FSIP1: variants seen among roughly 807,000 people sequenced by gnomAD.
FSIP1 encodes fibrous sheath interacting protein 1, also known as fibrous sheath-interacting protein 1.
A neutral mutation model predicts 60.9 loss-of-function variants in FSIP1; 65 were observed. That is an observed-to-expected ratio of 1.07 (90% confidence interval 0.87 to 1.31). The LOEUF (loss-of-function observed/expected upper bound fraction) is 1.31, where lower values mean the gene tolerates loss of function less well. Among genes scored for constraint, FSIP1 ranks in the 40% most tolerant of loss-of-function variants. The probability of loss-of-function intolerance (pLI) is 0.00; values close to 1 mark genes in which losing one functional copy is unlikely to be tolerated. For missense variants in FSIP1, 675 were observed against 665.5 expected (o/e 1.01, Z -0.16); for synonymous variants, 209 against 221.2 (o/e 0.94, Z 0.49).
chr15:39,626,194 G>T (rs567325728), intron 10 of FSIP1, among the ~76,000 whole-genome samples: 1 of 152,242 alleles, frequency 6.6e-6, no homozygotes, highest in East Asian at 1.9e-4. Context: ...GCCCACAGGA[G>T]TCTCTAGAAC....
At chr15:39,616,256 G>C (rs1469207590) in intron 11 of FSIP1, among the ~76,000 whole-genome samples, 1 of 152,120 alleles carries the variant, frequency 6.6e-6, no homozygotes, top group Non-Finnish European at 1.5e-5. Flanking sequence ...TCTAAAACTG[G>C]TTATACATTT....
chr15:39,719,723 A>G (rs927858540), intron 9 of FSIP1, among the ~76,000 whole-genome samples: 1 of 152,214 alleles, frequency 6.6e-6, no homozygotes, highest in African/African-American at 2.4e-5. Context: ...GGCAGTACCA[A>G]AAGCAGGGAA....
Position 39,765,724 on chromosome 15 carries a change from T to G in FSIP1, c.333A>C (p.Leu111Phe). Residue 111 changes from leucine (L) to phenylalanine (F), a missense_variant, in exon 4 of 12, where the codon TTA (leucine) becomes TTC (phenylalanine). By Grantham distance (22) the Leu-to-Phe change is conservative. Coordinates refer to ENST00000350221, the MANE Select transcript of FSIP1 (RefSeq NM_152597.5). ...ECSDEPKLKE[L>F]DSQLQDAIQK... ...GAATAGCATCTTGAAGTTGAGAATC[T>G]AATTCTTTTAATTTGGGTTCATCTA... 6.5e-7 allele frequency: 1 copy of G among 1,532,220 alleles called. No homozygotes were observed. Among genetic ancestry groups the G allele is most frequent in the Non-Finnish European group, 8.9e-7 (1 of 1,118,912 alleles). 94.9% of individuals were successfully genotyped at this position (1,532,220 alleles called of 1,614,324 possible).
chr15:39,645,698 G>A (rs914037263), intron 10 of FSIP1, among the ~76,000 whole-genome samples: 6 of 152,218 alleles, frequency 3.9e-5, no homozygotes, highest in Non-Finnish European at 7.4e-5. Context: ...CGTGCAGGGC[G>A]TCTCTGCAGC....
chr15:39,771,584 A>T (rs183883897), intron 2 of FSIP1, among the ~76,000 whole-genome samples: 13 of 152,322 alleles, frequency 8.5e-5, no homozygotes, highest in African/African-American at 3.1e-4. Context: ...TAATAATCAT[A>T]GCCATCATTT....
At chr15:39,645,382 C>T (rs1892550548) in intron 10 of FSIP1, among the ~76,000 whole-genome samples, 1 of 152,100 alleles carries the variant, frequency 6.6e-6, no homozygotes, top group Non-Finnish European at 1.5e-5. Flanking sequence ...GCCTCTGCAG[C>T]CACCCAAACT....
chr15:39,644,673 T>C (rs1012187788), intron 10 of FSIP1, among the ~76,000 whole-genome samples: 1 of 151,956 alleles, frequency 6.6e-6, no homozygotes, highest in Admixed American at 6.6e-5. Flanking sequence ...AGATACACAA[T>C]GTTCAAAAGC....
chr15:39,688,046 T>C (rs1049930978), intron 10 of FSIP1, among the ~76,000 whole-genome samples: 12 of 152,176 alleles, frequency 7.9e-5, no homozygotes, highest in Non-Finnish European at 1.6e-4. Flanking sequence ...TGGAACTATA[T>C]TGGTAGGAAG....
At chr15:39,737,024 C>T (rs541718190) in intron 8 of FSIP1, among the ~76,000 whole-genome samples, 2 of 152,224 alleles carry the variant, frequency 1.3e-5, no homozygotes, top group South Asian at 2.1e-4. Context: ...AGACCAGTTT[C>T]AGGGAAAGGG....
intron 10 of FSIP1, among the ~76,000 whole-genome samples, chr15:39,620,709 A>C (rs933450499): frequency 1.3e-5 from 2 of 150,542 alleles, no homozygotes; most frequent in African/African-American, 4.9e-5. Flanking sequence ...CTCGTGTCTC[A>C]GCCTCCCCGG....
chr15:39,622,335 A>G (rs1023109199), intron 10 of FSIP1, among the ~76,000 whole-genome samples: 13 of 152,196 alleles, frequency 8.5e-5, no homozygotes, highest in African/African-American at 3.1e-4. Flanking sequence ...CACTCTGTAT[A>G]TGAAAGCCCC....
chr15:39,698,022 C>A (rs1184794568), intron 10 of FSIP1, among the ~76,000 whole-genome samples: 2 of 151,778 alleles, frequency 1.3e-5, no homozygotes, highest in Non-Finnish European at 2.9e-5. Context: ...ACCAATGTAT[C>A]TGAGTGCTAC....
chr15:39,719,641 A>G (rs534753675), intron 9 of FSIP1, among the ~76,000 whole-genome samples: 3 of 152,330 alleles, frequency 2.0e-5, no homozygotes, highest in South Asian at 2.1e-4. Context: ...AGCTTGTCCT[A>G]TGTTTTCGAG....
At chr15:39,769,278 CAAAAAAAA>C (rs536401282) in intron 3 of FSIP1, among the ~76,000 whole-genome samples, 1 of 85,852 alleles carries the variant, frequency 1.2e-5, no homozygotes. Context: ...GACTCCGTCT[CAAAAAAAA>C]AAAAAAAAGA....
At chr15:39,678,874 G>C (rs1055941000) in intron 10 of FSIP1, among the ~76,000 whole-genome samples, 39 of 152,156 alleles carry the variant, frequency 2.6e-4, no homozygotes, top group African/African-American at 8.4e-4. Context: ...GTGGAGAATT[G>C]ATTCACTGAT....
intron 1 of FSIP1, among the ~76,000 whole-genome samples, chr15:39,780,151 T>C (rs745896606): frequency 2.0e-5 from 3 of 152,202 alleles, no homozygotes; most frequent in Non-Finnish European, 4.4e-5. Context: ...CCTTCTATCT[T>C]TTATACCCAT....
intron 10 of FSIP1, among the ~76,000 whole-genome samples, chr15:39,688,870 A>G (rs973578811): frequency 1.3e-5 from 2 of 152,152 alleles, no homozygotes; most frequent in African/African-American, 2.4e-5. Flanking sequence ...AAAAATTTTC[A>G]TAGGCTAAAT....
chr15:39,642,880 A>T (rs932564509), intron 10 of FSIP1, among the ~76,000 whole-genome samples: 7 of 152,334 alleles, frequency 4.6e-5, no homozygotes, highest in African/African-American at 1.4e-4. Flanking sequence ...ACCATCATTG[A>T]GCATATCTCT....
intron 10 of FSIP1, among the ~76,000 whole-genome samples, chr15:39,640,853 G>A (rs1892339470): frequency 1.3e-5 from 2 of 152,240 alleles, no homozygotes; most frequent in Admixed American, 1.3e-4. Context: ...GTGTATGAAA[G>A]GTTGAAATCT....
Sources: gnomAD v4.1 joint callset for allele counts (sites outside exome capture counted in the v4.1 genomes callset) on GRCh38, gnomAD v4.1.1 for gene constraint, MANE v1.5 for transcripts, NCBI Gene and HGNC (gene_info 2026-07-23, HGNC 2026-07-21) for gene names.